INTS1: variants seen among roughly 807,000 people sequenced by gnomAD.
INTS1 encodes the protein integrator complex subunit 1.
A neutral mutation model predicts 241.6 loss-of-function variants in INTS1; 137 were observed. The observed-to-expected ratio is 0.57, with a 90% CI of 0.49 to 0.65. The LOEUF is 0.65. INTS1 is among the 30% of genes least tolerant of loss of function. The probability of loss-of-function intolerance (pLI) is 0.00; values close to 1 mark genes in which losing one functional copy is unlikely to be tolerated. For synonymous variants in INTS1, 1,692 were observed against 1,337.8 expected (o/e 1.26, Z -5.78); for missense variants, 3,073 against 3,032.2 (o/e 1.01, Z -0.32).
chr7:1,492,880 G>T (rs528617308), intron 16 of INTS1, 130 bp downstream of exon 16: 4 of 562,382 alleles, frequency 7.1e-6, no homozygotes, highest in Non-Finnish European at 1.2e-5. Context: ...TTACCCGGGC[G>T]GGAGTGGGGA....
rs919293458 is a variant in INTS1 at position 1,478,423 on chromosome 7, T to C, written c.4573A>G (p.Ile1525Val). ...EVVSSTVRAV[I>V]ATLRSGEQCS... is the part of the protein sequence containing the mutation. ...TGCTCCCCAGACCTCAGGGTGGCGATGACGGCACGGACGGTGGAGCTGACC... is the reference window on the plus strand; with the variant it reads ...TGCTCCCCAGACCTCAGGGTGGCGACGACGGCACGGACGGTGGAGCTGACC... Residue 1525 changes from isoleucine (I) to valine (V), a missense_variant, in exon 33 of 48, where the codon ATC becomes GTC. Ile to Val is a conservative substitution (Grantham distance 29, BLOSUM62 3). Coordinates refer to ENST00000404767, the MANE Select transcript of INTS1 (RefSeq NM_001080453.3). The C allele has an allele frequency of 1.2e-6, 2 of 1,612,530 alleles. No homozygotes were observed. The highest frequency in any genetic ancestry group is 2.7e-5 in the African/African-American group (2 of 74,918).
At chr7:1,477,988 C>CGCTGAGTGGGTGTGGGCT in intron 33 of INTS1, 52 bp from the exon 34 acceptor site, 1 of 1,518,806 alleles carries the variant, frequency 6.6e-7, no homozygotes, top group South Asian at 1.1e-5. Flanking sequence ...GGGTGGGGGC[C>CGCTGAGTGGGTGTGGGCT]GCTGAGTGGG....
Position 1,481,334 on chromosome 7 carries a change from C to A in INTS1, c.3850+8G>T, listed in dbSNP as rs759151558. 2 of 1,612,790 alleles carry A rather than the reference C, an allele frequency of 1.2e-6. No individual in the cohort carries two copies. Among genetic ancestry groups the A allele is most frequent in the Non-Finnish European group, 1.7e-6 (2 of 1,179,712 alleles). On this transcript the variant is annotated splice_region_variant and intron_variant, in intron 28 of 47. Coordinates refer to ENST00000404767, the MANE Select transcript of INTS1 (RefSeq NM_001080453.3). The surrounding 1 kb of genome is among the most constrained non-coding windows in gnomAD (Gnocchi z 6.8). ...GTGAACCCACTCCGCAGGTCCCTGGCATCTTACTCTTGTCCATGATGTTCT... is the reference window on the plus strand; with the variant it reads ...GTGAACCCACTCCGCAGGTCCCTGGAATCTTACTCTTGTCCATGATGTTCT...
intron 12 of INTS1, 78 bp downstream of exon 12, chr7:1,496,078 A>G (rs1264691959): frequency 6.2e-6 from 7 of 1,123,582 alleles, no homozygotes; most frequent in Non-Finnish European, 8.0e-6. Flanking sequence ...GGGACAGTGC[A>G]GCCTCGGAGA....
chr7:1,472,439 A>G, intron 43 of INTS1, 53 bp from the exon 44 acceptor site: 1 of 1,312,044 alleles, frequency 7.6e-7, no homozygotes, highest in Non-Finnish European at 1.0e-6. Context: ...GACGTGCCAC[A>G]CTGAGGCACC....
intron 39 of INTS1, 74 bp downstream of exon 39, chr7:1,475,874 G>A: frequency 2.0e-6 from 3 of 1,498,400 alleles, no homozygotes; most frequent in Non-Finnish European, 8.9e-7. Context: ...TGTACACTGT[G>A]GCCTCCGCCC....
rs539814785 is a variant in INTS1, at chr7:1,490,485, C to T, written c.2166-803G>A. ...TGAAAGGGTGTCAGCTCCGGATAAACGGGAACCCCTGAAAGGGTGTCGCCT... is the reference window on the plus strand; with the variant it reads ...TGAAAGGGTGTCAGCTCCGGATAAATGGGAACCCCTGAAAGGGTGTCGCCT... On this transcript the variant is annotated intron_variant, in intron 16 of 47. Coordinates refer to ENST00000404767, the MANE Select transcript of INTS1 (RefSeq NM_001080453.3). 2.0e-3 allele frequency among the ~76,000 whole-genome samples: 308 copies of T among 152,056 alleles called. 1 individual carries two copies. The highest frequency in any genetic ancestry group is 3.3e-3 in the South Asian group (16 of 4,808).
At chr7:1,494,100 C>T (rs573050690) in intron 14 of INTS1, among the ~76,000 whole-genome samples, 189 bp from the exon 15 acceptor site, 1 of 152,286 alleles carries the variant, frequency 6.6e-6, no homozygotes, top group Admixed American at 6.5e-5. Flanking sequence ...CTCTAAGTCT[C>T]GCCTGGACAA....
At position 1,498,726 on chromosome 7, in the gene INTS1, G is replaced by C; in HGVS notation, c.1264C>G (p.His422Asp). Residue 422 changes from histidine to aspartate, a missense_variant, in exon 9 of 48, where the codon CAC becomes GAC. Coordinates refer to ENST00000404767, the MANE Select transcript of INTS1 (RefSeq NM_001080453.3). ...IRLKPKVLLN[H>D]FMLCIRELLS... ...ACGCACCTGATGCACAGCATGAAGT[G>C]GTTGAGGAGGACCTTGGGCTTGAGG... is the stretch of plus-strand genomic sequence containing the variant. 6.4e-7 allele frequency: 1 copy of C among 1,556,318 alleles called. No individual in the cohort carries two copies. The highest frequency in any genetic ancestry group is 8.7e-7 in the Non-Finnish European group (1 of 1,149,906).
chr7:1,487,521 A>C, intron 19 of INTS1, 72 bp from the exon 20 acceptor site: 1 of 1,527,092 alleles, frequency 6.5e-7, no homozygotes, highest in South Asian at 1.2e-5. Flanking sequence ...TCCTCCTCCC[A>C]TCCCTGCTTC....
rs931110306 is a variant in INTS1 at position 1,493,500 on chromosome 7, G to A, written c.2068+254C>T. Among the ~76,000 whole-genome samples, 8 of 152,278 alleles carry A rather than the reference G, an allele frequency of 5.3e-5. No individual in the cohort carries two copies. Among genetic ancestry groups the A allele is most frequent in the South Asian group, 4.1e-4 (2 of 4,822 alleles). Reference sequence around the variant, plus strand: ...AATCTGGCCGTGGCCAAATCACACCGAGAATGCCAATTCCAAAAAATGTGC... The same window carrying A: ...AATCTGGCCGTGGCCAAATCACACCAAGAATGCCAATTCCAAAAAATGTGC... On this transcript the variant is annotated intron_variant, in intron 15 of 47. Transcript: ENST00000404767. The surrounding 1 kb of genome is among the most constrained non-coding windows in gnomAD (Gnocchi z 5.3).
In INTS1 at chr7:1,481,304, C is replaced by A. The variant is rs548040862; in HGVS notation, c.3850+38G>T. 6.2e-7 allele frequency: 1 copy of A among 1,610,634 alleles called. No homozygotes were observed. Among genetic ancestry groups the A allele is most frequent in the Non-Finnish European group, 8.5e-7 (1 of 1,178,658 alleles). On this transcript the variant is annotated intron_variant, in intron 28 of 47. Coordinates refer to ENST00000404767, the MANE Select transcript of INTS1 (RefSeq NM_001080453.3). The surrounding 1 kb of genome is among the most constrained non-coding windows in gnomAD (Gnocchi z 6.8). ...CCTGGCCGGGCTGGGGCTCGGTCAG[C>A]GTGTGTGAACCCACTCCGCAGGTCC... is the stretch of plus-strand genomic sequence containing the variant.
At chr7:1,472,826 G>T (rs1005986184) in intron 43 of INTS1, among the ~76,000 whole-genome samples, 1 of 151,814 alleles carries the variant, frequency 6.6e-6, no homozygotes. Context: ...GGGACGGGGG[G>T]GTGGGGAGGG....
chr7:1,486,871 A>C, intron 21 of INTS1, 51 bp downstream of exon 21: 1 of 1,521,700 alleles, frequency 6.6e-7, no homozygotes, highest in Non-Finnish European at 8.9e-7. Flanking sequence ...GGTTGCCCTG[A>C]CAGGGGTGCG....
At chr7:1,502,057 C>T (rs1783206760) in intron 3 of INTS1, among the ~76,000 whole-genome samples, 5 of 152,146 alleles carry the variant, frequency 3.3e-5, no homozygotes, top group Admixed American at 2.6e-4. Context: ...CCTGGTCCCT[C>T]CCTGAGGGCA....
At chr7:1,501,366 T>C (rs12537304) in intron 3 of INTS1, 81,496 of 151,784 alleles carry the variant, frequency 0.54, 23,679 homozygotes, top group African/African-American at 0.77. Flanking sequence ...CATTGTGATC[T>C]ACCTTAACTG....
chr7:1,485,043 G>A (rs1421988485), intron 24 of INTS1, 55 bp downstream of exon 24: 7 of 743,860 alleles, frequency 9.4e-6, no homozygotes, highest in East Asian at 4.0e-5. Flanking sequence ...CCACACTGCC[G>A]GCTGGCCCCG....
At position 1,495,367 on chromosome 7, in the gene INTS1, CG is replaced by C; in HGVS notation, c.1832+65del. 4 of 1,541,994 alleles carry C rather than the reference CG, an allele frequency of 2.6e-6. No homozygotes were observed. The South Asian group carries it at 3.6e-5, about 14-fold the overall frequency. ...AGTGGGGTTTGGGGCAGGGGTTGTG[CG>C]GGGCCCCGGCTTGTCCCGGCTCAGT... is the stretch of plus-strand genomic sequence containing the variant. On this transcript the variant is annotated intron_variant, in intron 13 of 47. Coordinates refer to ENST00000404767, the MANE Select transcript of INTS1 (RefSeq NM_001080453.3).
At position 1,479,531 on chromosome 7, in the gene INTS1, C is replaced by T. The variant is rs376080653; in HGVS notation, c.4228G>A (p.Ala1410Thr). The change falls in exon 31 of 48, where the codon GCC (alanine) becomes ACC (threonine). Residue 1410 changes from alanine to threonine, a missense_variant. Coordinates refer to ENST00000404767, the MANE Select transcript of INTS1 (RefSeq NM_001080453.3). ...GITVRVLQAL[A>T]TLLSSPHGGA... is the part of the protein sequence containing the mutation. ...CCGTGTGGGGAGCTGAGCAGGGTGG[C>T]GAGGGCCTGCAGGACACGCACCGTG... The T allele has an allele frequency of 7.7e-5, 120 of 1,562,750 alleles. No homozygotes were observed. The highest frequency in any genetic ancestry group is 1.9e-4 in the Admixed American group (10 of 53,054).
Sources: allele counts gnomAD v4.1 joint callset (sites outside exome capture counted in the v4.1 genomes callset), GRCh38; gene constraint gnomAD v4.1.1; non-coding constraint Gnocchi (gnomAD v3.1); transcripts MANE v1.5; gene names NCBI Gene and HGNC (gene_info 2026-07-23, HGNC 2026-07-21).